The following GALNS variants were observed in gnomAD, a reference collection of about 807,000 sequenced individuals.
The protein encoded by GALNS is N-acetylgalactosamine-6-sulfatase.
In GALNS, 65 loss-of-function variants were observed where a neutral mutation model predicts 65.9. That is an observed-to-expected ratio of 0.99 (90% CI 0.81 to 1.21). GALNS has a LOEUF of 1.21. GALNS is among the 50% of genes most tolerant of loss of function. The pLI is 0.00. For synonymous variants in GALNS, 346 were observed against 288.9 expected (o/e 1.20, Z -2.00); for missense variants, 776 against 700.7 (o/e 1.11, Z -1.21).
At position 88,856,776 on chromosome 16, in the gene GALNS, C is replaced by A. The variant is rs748866414; in HGVS notation, c.102G>T (p.Leu34=). ...ASGAPQPPNI[L]LLLMDDMGWG... ...CACTCACGTCGTCCATGAGCAGGAG[C>A]AGGATGTTGGGGGGCTGCGGGGCGC... is the stretch of plus-strand genomic sequence containing the variant. Residue 34 remains leucine, a synonymous_variant, in exon 1 of 14, where the codon CTG becomes CTT. Coordinates refer to ENST00000268695, the MANE Select transcript of GALNS (RefSeq NM_000512.5). 6.5e-7 allele frequency: 1 copy of A among 1,545,444 alleles called. No homozygotes were observed. The highest frequency in any genetic ancestry group is 1.9e-5 in the Admixed American group (1 of 53,980).
intron 4 of GALNS, chr16:88,840,344 T>C (rs61146111): frequency 0.021 from 3,225 of 153,864 alleles, 89 homozygotes; most frequent in African/African-American, 0.062. Context: ...GGAGGCGGCA[T>C]GCGGACCTGA....
chr16:88,840,775 G>T (rs563348818), intron 4 of GALNS: 1 of 591,670 alleles, frequency 1.7e-6, no homozygotes, highest in Non-Finnish European at 3.1e-6. Context: ...CAGGATACTC[G>T]CGGCCGTGGG....
In GALNS at chr16:88,843,037, T is replaced by C. The variant is rs28493584; in HGVS notation, c.121-208A>G. On this transcript the variant is annotated intron_variant, in intron 1 of 13. Transcript: ENST00000268695. ...CTCCACGCCAGCCCAAACCTCAGCA[T>C]CGCCTGCGTGCGTGCACGATGGGGC... 8.5e-3 allele frequency: 12,948 copies of C among 1,526,152 alleles called. 921 individuals carry two copies. In the African/African-American group the frequency reaches 0.16, roughly 18 times the overall value. The allele number at this position is 1,526,152 out of a possible 1,614,324, so 94.5% of individuals were successfully genotyped here.
intron 12 of GALNS, among the ~76,000 whole-genome samples, chr16:88,819,318 T>C (rs1441404405): frequency 6.6e-6 from 1 of 152,088 alleles, no homozygotes; most frequent in Admixed American, 6.6e-5. Context: ...CCCCGCTTGG[T>C]GCCCGCGGAG....
chr16:88,814,512 G>T lies in GALNS; in HGVS notation c.1496C>A (p.Pro499Gln), dbSNP rs542835085. ...CNWAVMNWAP[P>Q]GCEKLGKCLT... ...ACACTTCCCTAACTTTTCACAGCCC[G>T]GAGGTGCCCAGTTCTGGGAAATGAA... The change falls in exon 14 of 14, where the codon CCG becomes CAG. Residue 499 changes from proline (P) to glutamine (Q), a missense_variant. Coordinates refer to ENST00000268695, the MANE Select transcript of GALNS (RefSeq NM_000512.5). The T allele has an allele frequency of 6.4e-7, 1 of 1,557,654 alleles. No homozygotes were observed. The highest frequency in any genetic ancestry group is 8.7e-7 in the Non-Finnish European group (1 of 1,150,124).
intron 12 of GALNS, among the ~76,000 whole-genome samples, chr16:88,820,080 C>T (rs111394363): frequency 0.053 from 8,083 of 151,950 alleles, 460 homozygotes; most frequent in African/African-American, 0.14. Flanking sequence ...CCTCCTACCT[C>T]GGCCTCCCAA....
chr16:88,818,574 T>C (rs1909880599), intron 12 of GALNS, among the ~76,000 whole-genome samples: 1 of 152,192 alleles, frequency 6.6e-6, no homozygotes, highest in South Asian at 2.1e-4. Flanking sequence ...GCATCTGCAG[T>C]TCTAAAATTC....
At chr16:88,821,291 T>A (rs60396196) in intron 12 of GALNS, among the ~76,000 whole-genome samples, 1 of 152,090 alleles carries the variant, frequency 6.6e-6, no homozygotes, top group Non-Finnish European at 1.5e-5. Context: ...GGTGGCGCTC[T>A]GTCCAGTCCC....
chr16:88,855,107 G>C (rs1379199475), intron 1 of GALNS: 4 of 483,022 alleles, frequency 8.3e-6, no homozygotes, highest in Non-Finnish European at 1.6e-5. Context: ...AGCCACATTA[G>C]AAAAGCAGAA....
At chr16:88,855,944 G>C (rs1967825579) in intron 1 of GALNS, 2 of 572,630 alleles carry the variant, frequency 3.5e-6, no homozygotes, top group South Asian at 2.0e-5. Context: ...CGGCGGGACA[G>C]GTGTAACCCC....
chr16:88,850,629 C>A (rs1967463449), intron 1 of GALNS, among the ~76,000 whole-genome samples: 1 of 152,178 alleles, frequency 6.6e-6, no homozygotes, highest in South Asian at 2.1e-4. Flanking sequence ...CCATGACTTA[C>A]AACGGGGAGG....
rs398123434 is a variant in GALNS at position 88,814,450 on chromosome 16, A to G, written c.1558T>C (p.Trp520Arg). The G allele has an allele frequency of 1.9e-6, 3 of 1,560,688 alleles. No homozygotes were observed. Among genetic ancestry groups the G allele is most frequent in the African/African-American group, 1.4e-5 (1 of 73,766 alleles). Residue 520 changes from tryptophan to arginine, a missense_variant, in exon 14 of 14, where the codon TGG becomes CGG. By Grantham distance (101) the Trp-to-Arg change is moderately radical (BLOSUM62 -3). Transcript: ENST00000268695. The part of the protein sequence containing the change: ...PPESIPKKCL[W>R]SH The stretch of plus-strand genomic sequence containing the variant: ...AGTCTGCGCAGGTGCTAGTGGGACC[A>G]GAGGCACTTCTTGGGAATGGATTCT...
chr16:88,817,559 G>A (rs977280254), intron 13 of GALNS: 11 of 979,074 alleles, frequency 1.1e-5, no homozygotes, highest in Non-Finnish European at 1.3e-5. Flanking sequence ...CCACCGGGCA[G>A]TGCCGTTCCT....
At chr16:88,855,271 G>A (rs577598021) in intron 1 of GALNS, 2 of 700,130 alleles carry the variant, frequency 2.9e-6, no homozygotes, top group Non-Finnish European at 5.2e-6. Context: ...AACTTAACAG[G>A]GAGGCTTCAC....
At chr16:88,838,202 G>A (rs959641415) in intron 4 of GALNS, among the ~76,000 whole-genome samples, 1 of 152,188 alleles carries the variant, frequency 6.6e-6, no homozygotes, top group African/African-American at 2.4e-5. Context: ...AATATTTCCT[G>A]CCAGGTAATT....
chr16:88,843,210 C>T (rs1013538589), intron 1 of GALNS: 77 of 1,321,542 alleles, frequency 5.8e-5, no homozygotes, highest in Non-Finnish European at 6.9e-5. Flanking sequence ...CTATTTTCAA[C>T]ATAAATACAC....
chr16:88,818,391 G>A (rs1909860249), intron 12 of GALNS, among the ~76,000 whole-genome samples: 1 of 152,234 alleles, frequency 6.6e-6, no homozygotes, highest in African/African-American at 2.4e-5. Flanking sequence ...GCTGTGAGTA[G>A]AGCCGTCCCA....
At chr16:88,827,971 G>A (rs908449536) in intron 9 of GALNS, among the ~76,000 whole-genome samples, 5 of 152,210 alleles carry the variant, frequency 3.3e-5, no homozygotes, top group African/African-American at 1.2e-4. Flanking sequence ...GACGGCGATC[G>A]CCAGCTTCTC....
chr16:88,817,891 C>G, intron 13 of GALNS, 116 bp downstream of exon 13: 1 of 907,004 alleles, frequency 1.1e-6, no homozygotes, highest in Non-Finnish European at 1.7e-6. Context: ...TCACCACTGA[C>G]GGAGGCGGGG....
Sources: gnomAD v4.1 joint callset for allele counts (sites outside exome capture counted in the v4.1 genomes callset) on GRCh38, gnomAD v4.1.1 for gene constraint, MANE v1.5 for transcripts, NCBI Gene and HGNC (gene_info 2026-07-23, HGNC 2026-07-21) for gene names.